GAD1: variants seen among roughly 807,000 people sequenced by gnomAD.
GAD1 encodes the protein 67 kDa glutamic acid decarboxylase.
In GAD1, 35 loss-of-function variants were observed where a neutral mutation model predicts 75.2. The ratio of observed to expected loss-of-function variants is 0.47; its 90% CI spans 0.36 to 0.62. The LOEUF (loss-of-function observed/expected upper bound fraction) is 0.62. GAD1 is among the 20% of genes least tolerant of loss of function. The probability of loss-of-function intolerance (pLI) is 0.00; values close to 1 mark genes in which losing one functional copy is unlikely to be tolerated. For synonymous variants in GAD1, 257 were observed against 271.9 expected (o/e 0.95, Z 0.54); for missense variants, 490 against 758.5 (o/e 0.65, Z 4.16).
intron 10 of GAD1, among the ~76,000 whole-genome samples, chr2:170,846,882 C>CCTAT (rs1182943116): frequency 6.6e-6 from 1 of 152,100 alleles, no homozygotes; most frequent in African/African-American, 2.4e-5. Flanking sequence ...GTGGTGCACG[C>CCTAT]CTATAGTCCC....
At position 170,825,707 on chromosome 2, in the gene GAD1, G is replaced by A. The variant is rs118046292; in HGVS notation, c.145+3558G>A. On this transcript the variant is annotated intron_variant, in intron 3 of 16. Coordinates refer to ENST00000358196, the MANE Select transcript of GAD1 (RefSeq NM_000817.3). ...AGCAGGAGCTCCCCTCAGCTCAGAG[G>A]TGGAGTCATGATTTTTCTCCCCTTG... 2.2e-3 allele frequency among the ~76,000 whole-genome samples: 342 copies of A among 152,310 alleles called. 14 individuals are homozygous for A. In the East Asian group the frequency reaches 0.05, roughly 22 times the overall value.
chr2:170,829,450 C>G, intron 3 of GAD1, 25 bp from the exon 4 acceptor site: 1 of 1,612,086 alleles, frequency 6.2e-7, no homozygotes, highest in Non-Finnish European at 8.5e-7. Context: ...GCAGCACTCT[C>G]TCTGACCAGC....
At chr2:170,854,367 A>T (rs1702806012) in intron 14 of GAD1, among the ~76,000 whole-genome samples, 1 of 149,910 alleles carries the variant, frequency 6.7e-6, no homozygotes, top group Non-Finnish European at 1.5e-5. Context: ...AAATAAAATT[A>T]CTGCATTATT....
Position 170,859,701 on chromosome 2 carries a change from A to T in GAD1, c.1612-8A>T. On this transcript the variant is annotated splice_polypyrimidine_tract_variant and splice_region_variant and intron_variant, in intron 16 of 16. Transcript: ENST00000358196. ...TCTTGAGTTTTGTTTTGTGTTTTCC[A>T]TCACAAGGTGGCTCCAAAAATCAAA... 1 of 1,614,098 alleles carries T rather than the reference A, an allele frequency of 6.2e-7. No individual in the cohort carries two copies. The highest frequency in any genetic ancestry group is 8.5e-7 in the Non-Finnish European group (1 of 1,179,996).
chr2:170,815,957 C>A (rs1701687431), upstream of GAD1, among the ~76,000 whole-genome samples: 1 of 152,206 alleles, frequency 6.6e-6, no homozygotes, highest in African/African-American at 2.4e-5. Context: ...GGGCTTCTCC[C>A]AACGCAGCGG....
Position 170,818,343 on chromosome 2 carries a change from C to T in GAD1, c.-63-186C>T. 1 of 564,450 alleles carries T rather than the reference C, an allele frequency of 1.8e-6. No individual in the cohort carries two copies. Among genetic ancestry groups the T allele is most frequent in the South Asian group, 2.0e-5 (1 of 49,904 alleles). The allele number at this position is 564,450 out of a possible 1,614,324, so 35.0% of individuals were successfully genotyped here. Reference sequence around the variant, plus strand: ...CCCTGCGCCCCAGTACCGGAGCTAGCGCGCACGTCTCCTCCGCTGCCCCCA... The same window carrying T: ...CCCTGCGCCCCAGTACCGGAGCTAGTGCGCACGTCTCCTCCGCTGCCCCCA... On this transcript the variant is annotated intron_variant, in intron 1 of 16. Coordinates refer to ENST00000358196, the MANE Select transcript of GAD1 (RefSeq NM_000817.3). The surrounding 1 kb of genome is among the most constrained non-coding windows in gnomAD (Gnocchi z 5.9).
At chr2:170,827,322 GT>G (rs1223235580) in intron 3 of GAD1, among the ~76,000 whole-genome samples, 1 of 152,240 alleles carries the variant, frequency 6.6e-6, no homozygotes, top group Non-Finnish European at 1.5e-5. Flanking sequence ...GACTCCGCAA[GT>G]TTCTTGGTAT....
chr2:170,822,687 C>A (rs1701921071), intron 3 of GAD1, among the ~76,000 whole-genome samples: 1 of 152,240 alleles, frequency 6.6e-6, no homozygotes, highest in Non-Finnish European at 1.5e-5. Flanking sequence ...AGTGGTCTCT[C>A]CACCTTGAGG....
intron 3 of GAD1, among the ~76,000 whole-genome samples, chr2:170,823,003 AGG>A (rs1218861790): frequency 6.6e-6 from 1 of 152,232 alleles, no homozygotes; most frequent in East Asian, 1.9e-4. Context: ...TAAAGGAAAA[AGG>A]GAGATTTGTT....
intron 1 of GAD1, chr2:170,817,777 G>A (rs1701748632): frequency 6.6e-6 from 1 of 152,450 alleles, no homozygotes; most frequent in South Asian, 2.1e-4. Flanking sequence ...CTAGGTAGAG[G>A]AGAAACGCTG....
Position 170,831,149 on chromosome 2 carries a change from C to A in GAD1, c.504C>A (p.Ile168=). 4 of 1,614,150 alleles carry A rather than the reference C, an allele frequency of 2.5e-6. No individual in the cohort carries two copies. In the South Asian group the frequency reaches 3.3e-5, roughly 13 times the overall value. Residue 168 remains isoleucine, a synonymous_variant, in exon 5 of 17, where the codon ATC becomes ATA. Coordinates refer to ENST00000358196, the MANE Select transcript of GAD1 (RefSeq NM_000817.3). ...LSDHPESLEQ[I]LVDCRDTLKY... is the part of the protein sequence containing the mutation. ...ACCACCCCGAGTCCCTGGAGCAGAT[C>A]CTGGTTGACTGCAGAGACACCTTGA...
chr2:170,818,453 G>A lies in GAD1; in HGVS notation c.-63-76G>A. On this transcript the variant is annotated intron_variant, in intron 1 of 16. Coordinates refer to ENST00000358196, the MANE Select transcript of GAD1 (RefSeq NM_000817.3). The surrounding 1 kb of genome is among the most constrained non-coding windows in gnomAD (Gnocchi z 5.9). ...CCGGATCTTCAAGGGGAGCCTCCGT[G>A]CCCCCGGCTGCTCAGTCCCTCCGGT... 1 of 792,310 alleles carries A rather than the reference G, an allele frequency of 1.3e-6. No individual in the cohort carries two copies. The highest frequency in any genetic ancestry group is 1.4e-5 in the South Asian group (1 of 71,786). 49.1% of individuals were successfully genotyped at this position (792,310 alleles called of 1,614,324 possible). A position where few individuals can be genotyped will look rare whatever the true frequency, so the allele number is the denominator to read the frequency against.
intron 3 of GAD1, among the ~76,000 whole-genome samples, chr2:170,828,003 C>T (rs1038160313): frequency 1.5e-4 from 23 of 152,050 alleles, no homozygotes; most frequent in Admixed American, 4.6e-4. Flanking sequence ...AGTGTCTGCC[C>T]GAATCCTCTG....
chr2:170,829,614 C>G lies in GAD1; in HGVS notation c.285C>G (p.Phe95Leu). 6.2e-7 allele frequency: 1 copy of G among 1,613,496 alleles called. No homozygotes were observed. Among genetic ancestry groups the G allele is most frequent in the Non-Finnish European group, 8.5e-7 (1 of 1,180,044 alleles). Residue 95 changes from phenylalanine to leucine, a missense_variant, in exon 4 of 17, where the codon TTC (phenylalanine) becomes TTG (leucine). This residue lies in a region of GAD1 where 165 missense variants were observed against 216.4 expected (regional missense o/e 0.76). Transcript: ENST00000358196. Reference sequence around the variant, plus strand: ...GCTTCCGGCGCACAGAGACTGACTTCTCTAATCTGTTTGCTAGAGGTAGCC... The same window carrying G: ...GCTTCCGGCGCACAGAGACTGACTTGTCTAATCTGTTTGCTAGAGGTAGCC... The part of the protein sequence containing the change: ...DARFRRTETD[F>L]SNLFARDLLP...
intron 6 of GAD1, chr2:170,842,620 G>A (rs1490879028): frequency 1.9e-6 from 3 of 1,613,952 alleles, no homozygotes; most frequent in East Asian, 2.2e-5. Context: ...GCTCAGAGCA[G>A]AACCAAAGCA....
rs1345624395 is a variant in GAD1 at position 170,829,494 on chromosome 2, C to T, written c.165C>T (p.Asn55=). ...LKICGFLQRT[N]SLEEKSRLVS... ...CCATAGGCTTCTTGCAAAGGACCAA[C>T]AGCCTGGAAGAGAAGAGTCGCCTTG... Residue 55 remains asparagine (N), a synonymous_variant, in exon 4 of 17, where the codon AAC becomes AAT. Coordinates refer to ENST00000358196, the MANE Select transcript of GAD1 (RefSeq NM_000817.3). 6.2e-7 allele frequency: 1 copy of T among 1,613,500 alleles called. No individual in the cohort carries two copies.
chr2:170,838,649 G>A (rs1449082927), intron 6 of GAD1, among the ~76,000 whole-genome samples: 3 of 152,094 alleles, frequency 2.0e-5, no homozygotes, highest in African/African-American at 7.2e-5. Flanking sequence ...CAATCTCAAG[G>A]TAAATAACGG....
Position 170,859,891 on chromosome 2 carries a change from C to T in GAD1, c.*9C>T, listed in dbSNP as rs372801229. The T allele has an allele frequency of 5.6e-6, 9 of 1,613,280 alleles. No individual in the cohort carries two copies. The highest frequency in any genetic ancestry group is 1.7e-4 in the Middle Eastern group (1 of 6,052). ...TGGGCCAGGATCTGTAATCATCCTTCGCAGAACATGAGTTTATGGGAATGC... is the reference window on the plus strand; with the variant it reads ...TGGGCCAGGATCTGTAATCATCCTTTGCAGAACATGAGTTTATGGGAATGC... On this transcript the variant is annotated 3_prime_UTR_variant, in exon 17 of 17. Transcript: ENST00000358196.
chr2:170,836,397 CA>C (rs1417396041), intron 5 of GAD1, among the ~76,000 whole-genome samples: 2 of 152,132 alleles, frequency 1.3e-5, no homozygotes, highest in Non-Finnish European at 2.9e-5. Context: ...ATTTCACCAA[CA>C]ACTGAATGAG....
Sources: gnomAD v4.1 joint callset for allele counts (sites outside exome capture counted in the v4.1 genomes callset) on GRCh38, gnomAD v4.1.1 for gene constraint, gnomAD v4.1.1 regional missense constraint, Gnocchi (gnomAD v3.1) non-coding constraint, MANE v1.5 for transcripts, NCBI Gene and HGNC (gene_info 2026-07-23, HGNC 2026-07-21) for gene names.